MOB3B: variants seen among roughly 807,000 people sequenced by gnomAD.
The protein encoded by MOB3B is MOB kinase activator-like 2B.
Under a neutral mutation model 18.7 loss-of-function variants are expected in MOB3B, and 7 were observed. The ratio of observed to expected loss-of-function variants is 0.37; its 90% confidence interval spans 0.21 to 0.70. The LOEUF (loss-of-function observed/expected upper bound fraction) is 0.70, where lower values mean the gene tolerates loss of function less well. MOB3B is among the 30% of genes least tolerant of loss of function. MOB3B has a pLI of 0.52. For missense variants in MOB3B, 253 were observed against 281.3 expected, an observed-to-expected ratio of 0.90 and a Z score of 0.72; for synonymous variants, 111 against 99.9, an observed-to-expected ratio of 1.11 and a Z score of -0.66.
chr9:27,369,952 T>C (rs923899131), intron 2 of MOB3B, among the ~76,000 whole-genome samples: 3 of 137,494 alleles, frequency 2.2e-5, no homozygotes, highest in African/African-American at 5.5e-5. Context: ...TTTTTTTTTT[T>C]TTTGTCTCCC....
At chr9:27,363,575 T>TG in intron 2 of MOB3B, among the ~76,000 whole-genome samples, 1 of 152,094 alleles carries the variant, frequency 6.6e-6, no homozygotes, top group South Asian at 2.1e-4. Context: ...GCTCAGTTTT[T>TG]TTTTTTTTTA....
At chr9:27,365,162 CAAA>C (rs61043046) in intron 2 of MOB3B, among the ~76,000 whole-genome samples, 4 of 109,800 alleles carry the variant, frequency 3.6e-5, no homozygotes, top group Admixed American at 1.0e-4. Context: ...TTGGGGGAGG[CAAA>C]AAAAAAAAAA....
At chr9:27,501,031 C>G (rs1274278863) in intron 1 of MOB3B, among the ~76,000 whole-genome samples, 1 of 151,980 alleles carries the variant, frequency 6.6e-6, no homozygotes, top group Non-Finnish European at 1.5e-5. Context: ...TAGAGAACTG[C>G]AAATCAAAAC....
chr9:27,382,717 G>GATAT (rs57101091), intron 2 of MOB3B, among the ~76,000 whole-genome samples: 14,171 of 147,814 alleles, frequency 0.096, 709 homozygotes, highest in East Asian at 0.16. Context: ...AGGTGAAGGT[G>GATAT]ATATATATAT....
At chr9:27,527,841 C>CT (rs1820459412) in intron 1 of MOB3B, among the ~76,000 whole-genome samples, 1 of 152,182 alleles carries the variant, frequency 6.6e-6, no homozygotes, top group Non-Finnish European at 1.5e-5. Flanking sequence ...AGCTACTTTG[C>CT]TTTTGCCCCA....
chr9:27,357,625 G>T (rs1408430216), intron 3 of MOB3B, among the ~76,000 whole-genome samples: 1 of 152,018 alleles, frequency 6.6e-6, no homozygotes, highest in African/African-American at 2.4e-5. Context: ...TGCTCCCTCA[G>T]TCTCCGGACT....
At chr9:27,418,091 C>CAAAAAAAAAAAAAAAAAAAAAAAAAAAA (rs57850999) in intron 2 of MOB3B, among the ~76,000 whole-genome samples, 2 of 44,086 alleles carry the variant, frequency 4.5e-5, no homozygotes, top group African/African-American at 1.4e-4. Flanking sequence ...GACTCCACCT[C>CAAAAAAAAAAAAAAAAAAAAAAAAAAAA]AAAAAAAAAA....
At chr9:27,340,401 A>G (rs976712435) in intron 3 of MOB3B, among the ~76,000 whole-genome samples, 3 of 152,210 alleles carry the variant, frequency 2.0e-5, no homozygotes, top group African/African-American at 7.2e-5. Context: ...CCTGATTTAC[A>G]TTGTTTCTTA....
intron 1 of MOB3B, among the ~76,000 whole-genome samples, chr9:27,476,318 A>C (rs1819552061): frequency 6.6e-6 from 1 of 152,242 alleles, no homozygotes; most frequent in Non-Finnish European, 1.5e-5. Flanking sequence ...CTCTGAAGGC[A>C]CTAGGGAGAA....
Position 27,455,166 on chromosome 9 carries a change from T to A in MOB3B, c.385A>T (p.Ile129Phe). 1 of 1,614,170 alleles carries A rather than the reference T, an allele frequency of 6.2e-7. No homozygotes were observed. ...NLLMDWIEVQ[I>F]NNEEIFPTCV... ...GTTGGAAATATTTCCTCGTTGTTGATCTGAACCTCAATCCAATCCATAAGA... is the reference window on the plus strand; with the variant it reads ...GTTGGAAATATTTCCTCGTTGTTGAACTGAACCTCAATCCAATCCATAAGA... The change falls in exon 2 of 4, where the codon ATC (isoleucine) becomes TTC (phenylalanine). Residue 129 changes from isoleucine to phenylalanine, a missense_variant. Ile to Phe is a conservative substitution (Grantham distance 21). Coordinates refer to ENST00000262244, the MANE Select transcript of MOB3B (RefSeq NM_024761.5).
intron 2 of MOB3B, among the ~76,000 whole-genome samples, chr9:27,410,853 G>C (rs1822055518): frequency 6.6e-6 from 1 of 151,958 alleles, no homozygotes; most frequent in South Asian, 2.1e-4. Context: ...TCTCTATATA[G>C]CTATATGAAT....
At chr9:27,419,621 G>T (rs1822209506) in intron 2 of MOB3B, among the ~76,000 whole-genome samples, 1 of 152,140 alleles carries the variant, frequency 6.6e-6, no homozygotes, top group Admixed American at 6.5e-5. Flanking sequence ...AATGAAACTG[G>T]ATCCTCATCT....
At chr9:27,494,612 T>A (rs958799844) in intron 1 of MOB3B, among the ~76,000 whole-genome samples, 3 of 152,184 alleles carry the variant, frequency 2.0e-5, no homozygotes, top group African/African-American at 7.2e-5. Context: ...CCCTCTGGGT[T>A]TAAGTGATTC....
chr9:27,401,394 C>T (rs1821876150), intron 2 of MOB3B, among the ~76,000 whole-genome samples: 1 of 152,206 alleles, frequency 6.6e-6, no homozygotes, highest in South Asian at 2.1e-4. Flanking sequence ...TTTTGGGTGA[C>T]ATACAAGTCA....
chr9:27,506,877 TCACCA>T, intron 1 of MOB3B, among the ~76,000 whole-genome samples: 1 of 150,422 alleles, frequency 6.6e-6, no homozygotes, highest in Non-Finnish European at 1.5e-5. Flanking sequence ...AGACGGGGTT[TCACCA>T]TCTTGGCCAG....
intron 2 of MOB3B, among the ~76,000 whole-genome samples, chr9:27,430,468 G>A (rs577336313): frequency 3.3e-4 from 51 of 152,306 alleles, no homozygotes; most frequent in Admixed American, 2.0e-3. Flanking sequence ...GAGGGTAGGA[G>A]TGCGGACTCT....
chr9:27,354,922 T>C (rs540726782), intron 3 of MOB3B, among the ~76,000 whole-genome samples: 1 of 152,318 alleles, frequency 6.6e-6, no homozygotes, highest in Non-Finnish European at 1.5e-5. Context: ...ACAGTCATTG[T>C]CTCACTTAGC....
intron 1 of MOB3B, among the ~76,000 whole-genome samples, chr9:27,495,086 T>C (rs936238936): frequency 1.3e-5 from 2 of 152,082 alleles, no homozygotes; most frequent in African/African-American, 4.8e-5. Context: ...TCCAGCACTT[T>C]AGGAGGCTGA....
At chr9:27,421,539 C>T (rs900839202) in intron 2 of MOB3B, 1 of 152,452 alleles carries the variant, frequency 6.6e-6, no homozygotes, top group Non-Finnish European at 1.5e-5. Flanking sequence ...CAGAGTAGTT[C>T]TTTTAAAACA....
Sources: gnomAD v4.1 joint callset for allele counts (sites outside exome capture counted in the v4.1 genomes callset) on GRCh38, gnomAD v4.1.1 for gene constraint, MANE v1.5 for transcripts, NCBI Gene and HGNC (gene_info 2026-07-23, HGNC 2026-07-21) for gene names.